IFT81: variants seen among roughly 807,000 people sequenced by gnomAD.
IFT81 encodes intraflagellar transport protein 81 homolog.
A neutral mutation model predicts 102.6 loss-of-function variants in IFT81; 72 were observed. That is an observed-to-expected ratio of 0.70 (90% CI 0.58 to 0.85). IFT81 has a LOEUF of 0.85. Among genes scored for constraint, IFT81 ranks in the 40% least tolerant of loss-of-function variants. The pLI is 0.00. For synonymous variants in IFT81, 237 were observed against 242.7 expected, an observed-to-expected ratio of 0.98 and a Z score of 0.22; for missense variants, 723 against 787.3, an observed-to-expected ratio of 0.92 and a Z score of 0.98.
rs568184113 is a variant in IFT81 at position 110,161,318 on chromosome 12, T to C, written c.1042-1601T>C. Among the ~76,000 whole-genome samples, 206 of 152,012 alleles carry C rather than the reference T, an allele frequency of 1.4e-3. 1 individual carries two copies. Among genetic ancestry groups the C allele is most frequent in the Non-Finnish European group, 2.5e-3 (168 of 67,972 alleles). ...ACCATGCCTGGCTTGGTGTATTTTT[T>C]TGTATTTTTAGTAGAAACAGGGTTT... On this transcript the variant is annotated intron_variant, in intron 10 of 18. Coordinates refer to ENST00000242591, the MANE Select transcript of IFT81 (RefSeq NM_014055.4).
chr12:110,180,669 A>T (rs958423180), intron 12 of IFT81, 98 bp downstream of exon 12: 4 of 808,632 alleles, frequency 4.9e-6, no homozygotes, highest in Non-Finnish European at 7.4e-6. Context: ...TGGAAAAATG[A>T]TAAAAGTATT....
intron 14 of IFT81, among the ~76,000 whole-genome samples, chr12:110,202,768 A>G (rs1486341417): frequency 1.3e-5 from 2 of 151,998 alleles, no homozygotes; most frequent in South Asian, 2.1e-4. Context: ...ACCTTTTCTT[A>G]GCAGTATAAT....
At chr12:110,125,814 C>G (rs1034719489) in intron 1 of IFT81, among the ~76,000 whole-genome samples, 6 of 152,194 alleles carry the variant, frequency 3.9e-5, no homozygotes, top group African/African-American at 1.4e-4. Flanking sequence ...TCACTGCCAG[C>G]CTGATTTCCT....
chr12:110,140,148 G>A (rs189350967), intron 8 of IFT81, among the ~76,000 whole-genome samples: 29 of 152,112 alleles, frequency 1.9e-4, no homozygotes, highest in Non-Finnish European at 3.1e-4. Flanking sequence ...TACATGTGCT[G>A]AATATGCAGG....
chr12:110,159,184 A>G (rs1896008493), intron 10 of IFT81, among the ~76,000 whole-genome samples: 1 of 152,184 alleles, frequency 6.6e-6, no homozygotes. Flanking sequence ...TAAAGTTAAG[A>G]TAGGCTGGGC....
At chr12:110,140,500 T>C (rs1894825082) in intron 8 of IFT81, among the ~76,000 whole-genome samples, 1 of 152,202 alleles carries the variant, frequency 6.6e-6, no homozygotes, top group East Asian at 1.9e-4. Context: ...TTAGAAACTT[T>C]TTTTTAAATA....
At chr12:110,161,348 A>G (rs1896123787) in intron 10 of IFT81, among the ~76,000 whole-genome samples, 1 of 151,906 alleles carries the variant, frequency 6.6e-6, no homozygotes, top group African/African-American at 2.4e-5. Context: ...GGGTTTTACC[A>G]TGTTGACCAG....
intron 10 of IFT81, among the ~76,000 whole-genome samples, chr12:110,160,617 A>C (rs903585657): frequency 6.6e-6 from 1 of 152,232 alleles, no homozygotes; most frequent in African/African-American, 2.4e-5. Context: ...CTCCTCTGGC[A>C]ATACCCTCAC....
chr12:110,126,041 G>C (rs936640714), intron 1 of IFT81, among the ~76,000 whole-genome samples: 3 of 152,166 alleles, frequency 2.0e-5, no homozygotes, highest in African/African-American at 7.2e-5. Flanking sequence ...CACTTTGGGA[G>C]GCCAAGGTGG....
intron 11 of IFT81, among the ~76,000 whole-genome samples, chr12:110,171,492 C>G (rs1259306051): frequency 1.3e-5 from 2 of 152,130 alleles, no homozygotes; most frequent in African/African-American, 4.8e-5. Flanking sequence ...TCTTAAAAGA[C>G]TGAGCAGTTA....
intron 8 of IFT81, among the ~76,000 whole-genome samples, chr12:110,141,312 A>T (rs1220017719): frequency 6.6e-6 from 1 of 152,214 alleles, no homozygotes; most frequent in East Asian, 1.9e-4. Context: ...TGCTGGGATT[A>T]CAGGTGTGAG....
At chr12:110,154,663 A>G (rs2137406990) in intron 10 of IFT81, among the ~76,000 whole-genome samples, 1 of 152,142 alleles carries the variant, frequency 6.6e-6, no homozygotes, top group Non-Finnish European at 1.5e-5. Flanking sequence ...AAGAAAGAAA[A>G]AAATGTATTT....
At chr12:110,215,986 A>G (rs1284870910) in intron 18 of IFT81, among the ~76,000 whole-genome samples, 1 of 152,164 alleles carries the variant, frequency 6.6e-6, no homozygotes, top group Non-Finnish European at 1.5e-5. Flanking sequence ...TGTGCATACA[A>G]TTTGATTTAT....
intron 10 of IFT81, among the ~76,000 whole-genome samples, chr12:110,149,535 C>G (rs761516264): frequency 6.6e-5 from 10 of 152,174 alleles, no homozygotes; most frequent in African/African-American, 2.4e-4. Context: ...GGGTTCTTGT[C>G]TTGGTGTACC....
intron 14 of IFT81, among the ~76,000 whole-genome samples, chr12:110,195,354 C>T (rs1897954670): frequency 6.6e-6 from 1 of 151,288 alleles, no homozygotes; most frequent in African/African-American, 2.4e-5. Flanking sequence ...TTTCTTGTTC[C>T]TCCTCCCTTC....
chr12:110,184,020 C>T (rs941957230), intron 12 of IFT81, among the ~76,000 whole-genome samples: 2 of 152,130 alleles, frequency 1.3e-5, no homozygotes, highest in African/African-American at 4.8e-5. Flanking sequence ...TCTTTAAAGC[C>T]CTTAAGGAGG....
intron 3 of IFT81, 80 bp downstream of exon 3, chr12:110,128,229 A>G (rs1893960132): frequency 1.2e-6 from 1 of 833,248 alleles, no homozygotes; most frequent in Admixed American, 2.0e-5. Context: ...CAATCTTTGT[A>G]GGTAATACCT....
intron 14 of IFT81, among the ~76,000 whole-genome samples, chr12:110,200,927 G>A (rs1333484625): frequency 6.6e-6 from 1 of 151,682 alleles, no homozygotes; most frequent in Non-Finnish European, 1.5e-5. Flanking sequence ...TCCAGCCTGG[G>A]CGACAGAGCA....
chr12:110,209,506 C>T (rs956550044), intron 18 of IFT81, among the ~76,000 whole-genome samples: 18 of 152,292 alleles, frequency 1.2e-4, no homozygotes, highest in African/African-American at 3.8e-4. Context: ...CGGTGGCTCA[C>T]GCCTGTAATC....
Sources: allele counts gnomAD v4.1 joint callset (sites outside exome capture counted in the v4.1 genomes callset), GRCh38; gene constraint gnomAD v4.1.1; transcripts MANE v1.5; gene names NCBI Gene and HGNC (gene_info 2026-07-23, HGNC 2026-07-21).